Variants in FHIT observed in about 807,000 individuals in gnomAD.
FHIT encodes bis(5'-adenosyl)-triphosphatase.
FHIT carries 19 observed loss-of-function variants against 17.9 expected under a neutral mutation model. The observed-to-expected ratio is 1.06, with a 90% confidence interval of 0.74 to 1.56. The LOEUF (loss-of-function observed/expected upper bound fraction) is 1.56, where lower values mean the gene tolerates loss of function less well. Ranked by LOEUF, FHIT falls within the 40% of genes most tolerant of loss-of-function variation. The pLI is 0.00. For synonymous variants in FHIT, 81 were observed against 69.7 expected, an observed-to-expected ratio of 1.16 and a Z score of -0.81; for missense variants, 248 against 189.2, an observed-to-expected ratio of 1.31 and a Z score of -1.82.
Position 60,193,958 on chromosome 3 carries a change from G to A in FHIT, c.104-179806C>T, listed in dbSNP as rs1057128586. ...AAAGTATCATAGACGACACAAATGT[G>A]AAGACATCCAATGATCATGGATTGG... On this transcript the variant is annotated intron_variant, in intron 5 of 9. Coordinates refer to ENST00000492590, the MANE Select transcript of FHIT (RefSeq NM_002012.4). 2.0e-5 allele frequency among the ~76,000 whole-genome samples: 3 copies of A among 152,292 alleles called. No homozygotes were observed. In the East Asian group the frequency reaches 5.8e-4, roughly 29 times the overall value.
At position 60,203,926 on chromosome 3, in the gene FHIT, G is replaced by A. The variant is rs919491019; in HGVS notation, c.104-189774C>T. Among the ~76,000 whole-genome samples the A allele has an allele frequency of 5.9e-5, 9 of 152,114 alleles. No homozygotes were observed. The South Asian group carries it at 1.9e-3, about 32-fold the overall frequency. On this transcript the variant is annotated intron_variant, in intron 5 of 9. Coordinates refer to ENST00000492590, the MANE Select transcript of FHIT (RefSeq NM_002012.4). ...ACTTGTGAAGACAGAGTAGAAGGAT[G>A]GTTAACAGAGGCTGGGAAGGGTCAT...
intron 2 of FHIT, among the ~76,000 whole-genome samples, chr3:61,171,978 G>A (rs55813445): frequency 0.013 from 2,054 of 152,290 alleles, 26 homozygotes; most frequent in Non-Finnish European, 0.02. Flanking sequence ...TGCTGATAGA[G>A]ATGGACGGGG....
At chr3:60,672,270 C>T (rs891251708) in intron 4 of FHIT, among the ~76,000 whole-genome samples, 1 of 151,898 alleles carries the variant, frequency 6.6e-6, no homozygotes, top group African/African-American at 2.4e-5. Context: ...TTTATTTCAC[C>T]TGGGTGCAGG....
chr3:60,028,074 G>A (rs1399642163), intron 5 of FHIT, among the ~76,000 whole-genome samples: 1 of 152,104 alleles, frequency 6.6e-6, no homozygotes. Context: ...ATCAGGAGAG[G>A]CCACAAATTT....
intron 5 of FHIT, among the ~76,000 whole-genome samples, chr3:60,076,493 G>C (rs1400794970): frequency 2.6e-5 from 4 of 151,980 alleles, no homozygotes; most frequent in African/African-American, 9.7e-5. Flanking sequence ...GGGGTAATAT[G>C]GCCAAACTAA....
intron 4 of FHIT, among the ~76,000 whole-genome samples, chr3:60,644,321 A>C (rs924082031): frequency 2.6e-5 from 4 of 152,192 alleles, no homozygotes; most frequent in Non-Finnish European, 5.9e-5. Context: ...AAAATGGGAG[A>C]AAACAGTAAT....
At chr3:60,395,586 T>A (rs188195417) in intron 5 of FHIT, among the ~76,000 whole-genome samples, 11 of 152,100 alleles carry the variant, frequency 7.2e-5, no homozygotes, top group Admixed American at 5.9e-4. Flanking sequence ...ATGAGCTAGA[T>A]AGAGAGTCTT....
chr3:61,066,665 C>A (rs2034622166), intron 2 of FHIT, among the ~76,000 whole-genome samples: 1 of 152,008 alleles, frequency 6.6e-6, no homozygotes, highest in South Asian at 2.1e-4. Context: ...TATTAATGAG[C>A]CGTTATGTCT....
rs6770111 is a variant in FHIT at position 61,001,305 on chromosome 3, G to T, written c.-111+40742C>A. ...TATATTACCCAGAAGTGGCACTCTC[G>T]GGCACTTGTCACAGAGAAACGAAAA... On this transcript the variant is annotated intron_variant, in intron 3 of 9. Coordinates refer to ENST00000492590, the MANE Select transcript of FHIT (RefSeq NM_002012.4). Among the ~76,000 whole-genome samples the T allele has an allele frequency of 2.9e-3, 442 of 152,154 alleles. 6 individuals carry two copies. The highest frequency in any genetic ancestry group is 9.9e-3 in the African/African-American group (411 of 41,510).
chr3:60,324,529 G>A (rs866567471), intron 5 of FHIT, among the ~76,000 whole-genome samples: 3 of 139,348 alleles, frequency 2.2e-5, no homozygotes, highest in Non-Finnish European at 3.0e-5. Context: ...AGCTTGCAGT[G>A]AGCCAAGATC....
At chr3:60,335,236 A>G (rs554295186) in intron 5 of FHIT, among the ~76,000 whole-genome samples, 1 of 152,336 alleles carries the variant, frequency 6.6e-6, no homozygotes, top group African/African-American at 2.4e-5. Context: ...AAATTCCTAT[A>G]AACTTAAAAT....
intron 3 of FHIT, among the ~76,000 whole-genome samples, chr3:61,012,059 G>A (rs115933540): frequency 0.018 from 2,720 of 152,284 alleles, 83 homozygotes; most frequent in African/African-American, 0.062. Flanking sequence ...TAAATCTGCA[G>A]TTCCAAGGCT....
At chr3:60,275,618 G>C (rs1707091096) in intron 5 of FHIT, among the ~76,000 whole-genome samples, 1 of 151,972 alleles carries the variant, frequency 6.6e-6, no homozygotes, top group African/African-American at 2.4e-5. Flanking sequence ...TGTTGTCTTA[G>C]TCAATGCCAT....
intron 7 of FHIT, among the ~76,000 whole-genome samples, chr3:59,941,138 C>T (rs1180688841): frequency 6.6e-6 from 1 of 152,110 alleles, no homozygotes; most frequent in Non-Finnish European, 1.5e-5. Flanking sequence ...CTCTATTAGG[C>T]TGAAAACTAG....
intron 8 of FHIT, among the ~76,000 whole-genome samples, chr3:59,807,447 G>A (rs1700247261): frequency 6.6e-6 from 1 of 152,166 alleles, no homozygotes; most frequent in Admixed American, 6.5e-5. Context: ...AAGTCTGAAA[G>A]TCAGAAAAGG....
intron 3 of FHIT, among the ~76,000 whole-genome samples, chr3:60,963,320 TTTC>T (rs1351146726): frequency 2.0e-5 from 3 of 152,214 alleles, no homozygotes; most frequent in Non-Finnish European, 4.4e-5. Context: ...TCTTCTCTCT[TTTC>T]TTCTTTATTA....
At chr3:60,640,046 G>A (rs2856060) in intron 4 of FHIT, among the ~76,000 whole-genome samples, 122,550 of 152,110 alleles carry the variant, frequency 0.81, 49,565 homozygotes, top group East Asian at 0.85. Flanking sequence ...TCATATTATG[G>A]GTTAATTCAT....
chr3:61,030,536 T>C (rs992642291), intron 3 of FHIT, among the ~76,000 whole-genome samples: 5 of 152,228 alleles, frequency 3.3e-5, no homozygotes, highest in Non-Finnish European at 7.3e-5. Flanking sequence ...ATTTTAATCA[T>C]CACAGAAACT....
intron 5 of FHIT, among the ~76,000 whole-genome samples, chr3:60,159,343 A>C (rs1700839839): frequency 6.6e-6 from 1 of 151,954 alleles, no homozygotes. Context: ...CTGGTCTCAA[A>C]CTCCTAGGCT....
Sources: gnomAD v4.1 joint callset for allele counts (sites outside exome capture counted in the v4.1 genomes callset) on GRCh38, gnomAD v4.1.1 for gene constraint, MANE v1.5 for transcripts, NCBI Gene and HGNC (gene_info 2026-07-23, HGNC 2026-07-21) for gene names.